The following IQCH variants were observed in gnomAD, a reference collection of about 807,000 sequenced individuals.
The protein encoded by IQCH is IQ motif containing H.
In IQCH, 98 loss-of-function variants were observed where a neutral mutation model predicts 117.0. That is an observed-to-expected ratio of 0.84 (90% CI 0.71 to 0.99). The LOEUF (loss-of-function observed/expected upper bound fraction) is 0.99. Among genes scored for constraint, IQCH ranks in the 50% least tolerant of loss-of-function variants. The pLI, the probability that IQCH is intolerant of heterozygous loss-of-function variation, is 0.00. For synonymous variants in IQCH, 412 were observed against 448.2 expected, an observed-to-expected ratio of 0.92 and a Z score of 1.02; for missense variants, 1,102 against 1,243.8, an observed-to-expected ratio of 0.89 and a Z score of 1.72.
At chr15:67,372,015 G>T (rs1970550824) in intron 8 of IQCH, 96 bp from the exon 9 acceptor site, 2 of 1,064,962 alleles carry the variant, frequency 1.9e-6, no homozygotes, top group Non-Finnish European at 2.7e-6. Context: ...TCCCACCATT[G>T]AATGCTAAAT....
At chr15:67,428,993 C>G (rs1049227910) in intron 16 of IQCH, among the ~76,000 whole-genome samples, 6 of 152,070 alleles carry the variant, frequency 3.9e-5, no homozygotes, top group Admixed American at 1.3e-4. Context: ...CCTCTAGAAG[C>G]CAGAAAAGGC....
chr15:67,281,055 G>A (rs62014652), intron 4 of IQCH, among the ~76,000 whole-genome samples: 4 of 151,950 alleles, frequency 2.6e-5, no homozygotes, highest in Non-Finnish European at 4.4e-5. Context: ...CATCTTGGCC[G>A]GGCTGGTCTT....
At chr15:67,455,858 C>T (rs2414948) in intron 16 of IQCH, among the ~76,000 whole-genome samples, 19,674 of 152,060 alleles carry the variant, frequency 0.13, 1,349 homozygotes, top group East Asian at 0.2. Flanking sequence ...CCGTGGAAGG[C>T]GCATATACAA....
At chr15:67,372,719 G>T in intron 9 of IQCH, 57 bp downstream of exon 9, 2 of 1,453,294 alleles carry the variant, frequency 1.4e-6, no homozygotes, top group South Asian at 2.7e-5. Flanking sequence ...TTTCGTGCTT[G>T]AGCGGTTGTA....
intron 16 of IQCH, among the ~76,000 whole-genome samples, chr15:67,438,330 T>C (rs2082188534): frequency 6.6e-6 from 1 of 152,150 alleles, no homozygotes; most frequent in African/African-American, 2.4e-5. Flanking sequence ...GATACAGTCA[T>C]TTTCAGACAA....
At chr15:67,265,088 G>T (rs569265859) in intron 3 of IQCH, among the ~76,000 whole-genome samples, 1 of 152,344 alleles carries the variant, frequency 6.6e-6, no homozygotes, top group East Asian at 1.9e-4. Context: ...TCTAATGAAA[G>T]AATCCAATAC....
intron 6 of IQCH, among the ~76,000 whole-genome samples, chr15:67,348,386 C>T (rs1406225787): frequency 6.6e-6 from 1 of 152,054 alleles, no homozygotes; most frequent in Non-Finnish European, 1.5e-5. Flanking sequence ...CACACGCACA[C>T]ACAAAAGCTA....
chr15:67,268,570 G>C lies in IQCH; in HGVS notation c.269+5354G>C, dbSNP rs532831825. 2.0e-5 allele frequency among the ~76,000 whole-genome samples: 3 copies of C among 152,290 alleles called. No individual in the cohort carries two copies. The East Asian group carries it at 5.8e-4, about 29-fold the overall frequency. On this transcript the variant is annotated intron_variant, in intron 3 of 20. Coordinates refer to ENST00000335894, the MANE Select transcript of IQCH (RefSeq NM_001031715.3). ...GAAATCTTCATTTTATGTTCGCTCT[G>C]TTGTGCTACTATTTAGGAAAAGAAA...
chr15:67,268,403 A>C (rs1359362125), intron 3 of IQCH, among the ~76,000 whole-genome samples: 1 of 152,176 alleles, frequency 6.6e-6, no homozygotes, highest in African/African-American at 2.4e-5. Flanking sequence ...ATGTCAAAGG[A>C]TAGTTCCTCC....
At position 67,424,109 on chromosome 15, in the gene IQCH, T is replaced by A. The variant is rs1431188668; in HGVS notation, c.2505+2532T>A. Among the ~76,000 whole-genome samples the A allele has an allele frequency of 6.6e-6, 1 of 152,180 alleles. No individual in the cohort carries two copies. The highest frequency in any genetic ancestry group is 1.5e-5 in the Non-Finnish European group (1 of 68,028). ...AAGGTCCCACCCTTCACTTGGCTGG[T>A]TCCATGTACCTGGCCAGTCTTGTCT... is the stretch of plus-strand genomic sequence containing the variant. On this transcript the variant is annotated intron_variant, in intron 16 of 20. Transcript: ENST00000335894. This position sits in a 1 kb window ranked among gnomAD's most constrained non-coding sequence, Gnocchi z 4.9.
At position 67,403,073 on chromosome 15, in the gene IQCH, C is replaced by T. The variant is rs1041668515; in HGVS notation, c.2097+2768C>T. The stretch of plus-strand genomic sequence containing the variant: ...GGCCAGCCTGGCCAACATAGTGAAA[C>T]CTCGTCTCTACTAAAAATACAAAAA... On this transcript the variant is annotated intron_variant, in intron 14 of 20. Transcript: ENST00000335894. The surrounding 1 kb of genome is among the most constrained non-coding windows in gnomAD (Gnocchi z 4.8). Among the ~76,000 whole-genome samples, 1 of 152,056 alleles carries T rather than the reference C, an allele frequency of 6.6e-6. No homozygotes were observed. Among genetic ancestry groups the T allele is most frequent in the South Asian group, 2.1e-4 (1 of 4,818 alleles).
chr15:67,441,612 A>G (rs1312990443), intron 16 of IQCH, among the ~76,000 whole-genome samples: 1 of 152,220 alleles, frequency 6.6e-6, no homozygotes, highest in Non-Finnish European at 1.5e-5. Context: ...TCTTTGACAA[A>G]GCAAACAAAA....
intron 18 of IQCH, among the ~76,000 whole-genome samples, chr15:67,488,951 A>G (rs917407631): frequency 1.3e-5 from 2 of 152,170 alleles, no homozygotes; most frequent in African/African-American, 4.8e-5. Flanking sequence ...CAGGGATTCA[A>G]GACCCCTGCT....
At chr15:67,394,694 T>C (rs1971402624) in intron 12 of IQCH, among the ~76,000 whole-genome samples, 1 of 152,114 alleles carries the variant, frequency 6.6e-6, no homozygotes, top group African/African-American at 2.4e-5. Flanking sequence ...TGAATTTGAG[T>C]CTTGCTGAAA....
At chr15:67,266,191 T>C (rs771914730) in intron 3 of IQCH, among the ~76,000 whole-genome samples, 123 of 151,128 alleles carry the variant, frequency 8.1e-4, no homozygotes, top group South Asian at 1.4e-3. Context: ...TGTACCAACA[T>C]ATAAATTTTT....
At chr15:67,414,307 C>T (rs2081520711) in intron 14 of IQCH, among the ~76,000 whole-genome samples, 1 of 152,186 alleles carries the variant, frequency 6.6e-6, no homozygotes, top group Non-Finnish European at 1.5e-5. Flanking sequence ...AAGCCAGTGG[C>T]CATGCCATTA....
intron 4 of IQCH, chr15:67,306,803 C>T: frequency 1.3e-6 from 2 of 1,507,946 alleles, no homozygotes; most frequent in Non-Finnish European, 1.8e-6. Context: ...TAGTAACAAA[C>T]AACCTTCTAA....
intron 18 of IQCH, among the ~76,000 whole-genome samples, chr15:67,486,429 T>C (rs1038661252): frequency 6.6e-6 from 1 of 152,108 alleles, no homozygotes; most frequent in Non-Finnish European, 1.5e-5. Context: ...AGCATTCTAT[T>C]CCTAGCAGGA....
At chr15:67,304,341 A>G (rs1329576576) in intron 4 of IQCH, 2 of 1,497,612 alleles carry the variant, frequency 1.3e-6, no homozygotes, top group East Asian at 2.5e-5. Flanking sequence ...TGTTTCAGCG[A>G]AAGATAGGGT....
Sources: gnomAD v4.1 joint callset for allele counts (sites outside exome capture counted in the v4.1 genomes callset) on GRCh38, gnomAD v4.1.1 for gene constraint, Gnocchi (gnomAD v3.1) non-coding constraint, MANE v1.5 for transcripts, NCBI Gene and HGNC (gene_info 2026-07-23, HGNC 2026-07-21) for gene names.